CASK: variants seen among roughly 807,000 people sequenced by gnomAD.
The protein encoded by CASK is peripheral plasma membrane protein CASK.
Under a neutral mutation model 82.9 loss-of-function variants are expected in CASK, and 4 were observed. That is an observed-to-expected ratio of 0.05 (90% CI 0.02 to 0.11). The LOEUF is 0.11. CASK is among the 10% of genes least tolerant of loss of function. The pLI, the probability that CASK is intolerant of heterozygous loss-of-function variation, is 1.00. For synonymous variants in CASK, 259 were observed against 253.5 expected, an observed-to-expected ratio of 1.02 and a Z score of -0.20; for missense variants, 358 against 720.9, an observed-to-expected ratio of 0.50 and a Z score of 5.76.
intron 1 of CASK, among the ~76,000 whole-genome samples, chrX:41,891,855 A>T (rs1048170366): frequency 1.8e-5 from 2 of 112,351 alleles, no homozygotes; most frequent in Admixed American, 1.9e-4. Flanking sequence ...AATTTTTTTT[A>T]AAAAGTATGA....
intron 4 of CASK, 35 bp downstream of exon 4, chrX:41,745,489 A>C: frequency 1.1e-6 from 1 of 946,716 alleles, no homozygotes; most frequent in Non-Finnish European, 1.5e-6. Context: ...TTTATTTTCA[A>C]CTTGACCTCT....
intron 1 of CASK, among the ~76,000 whole-genome samples, chrX:41,878,356 T>C (rs2071873375): frequency 9.0e-6 from 1 of 111,239 alleles, no homozygotes; most frequent in South Asian, 3.8e-4. Flanking sequence ...ATAATAAGGG[T>C]GATGCCAGTC....
chrX:41,707,815 C>G (rs1009619245), intron 5 of CASK, among the ~76,000 whole-genome samples: 2 of 111,069 alleles, frequency 1.8e-5, no homozygotes, highest in African/African-American at 6.6e-5. Context: ...CAAGTACATG[C>G]TCCCCCTGAT....
At chrX:41,569,579 A>G in intron 16 of CASK, 89 bp downstream of exon 16, 1 of 694,889 alleles carries the variant, frequency 1.4e-6, no homozygotes, top group East Asian at 3.2e-5. Flanking sequence ...CCCCATCTCA[A>G]AAACAAAACA....
intron 24 of CASK, among the ~76,000 whole-genome samples, chrX:41,531,740 G>A (rs1219652093): frequency 8.9e-6 from 1 of 112,042 alleles, no homozygotes; most frequent in Non-Finnish European, 1.9e-5. Context: ...TACTGTCATT[G>A]TCACAGAAAG....
In CASK at chrX:41,923,044, C is replaced by A; in HGVS notation, c.-56G>T. 4 of 1,078,752 alleles carry A rather than the reference C, an allele frequency of 3.7e-6. No homozygotes were observed. The highest frequency in any genetic ancestry group is 5.2e-6 in the Non-Finnish European group (4 of 776,479). The allele number at this position is 1,078,752 out of a possible 1,213,427, so 88.9% of individuals were successfully genotyped here. On this transcript the variant is annotated 5_prime_UTR_variant, in exon 1 of 27. Coordinates refer to ENST00000378163, the MANE Select transcript of CASK (RefSeq NM_001367721.1). ...AGGGCTTCGAAAACGGGGGTGGGGG[C>A]GCCCAAGAGCTCAGTGCCCAGCCCC...
intron 5 of CASK, among the ~76,000 whole-genome samples, chrX:41,690,776 C>T (rs1035827480): frequency 2.8e-5 from 3 of 107,966 alleles, no homozygotes; most frequent in Non-Finnish European, 5.7e-5. Context: ...CAGGCTCAAG[C>T]GATCCTCCCA....
Position 41,775,581 on chromosome X carries a change from C to T in CASK, c.278+11597G>A, listed in dbSNP as rs186500123. On this transcript the variant is annotated intron_variant, in intron 3 of 26. Coordinates refer to ENST00000378163, the MANE Select transcript of CASK (RefSeq NM_001367721.1). ...AATCATGCTGCTATAAAGACACATGCACACGTATGTTTACTGCGGCACTAT... is the reference window on the plus strand; with the variant it reads ...AATCATGCTGCTATAAAGACACATGTACACGTATGTTTACTGCGGCACTAT... 1.3e-3 allele frequency among the ~76,000 whole-genome samples: 137 copies of T among 105,844 alleles called. 1 individual carries two copies. The highest frequency in any genetic ancestry group is 4.4e-3 in the African/African-American group (130 of 29,515). 91.9% of individuals were successfully genotyped at this position (105,844 alleles called of 115,157 possible).
intron 2 of CASK, among the ~76,000 whole-genome samples, chrX:41,831,716 T>C (rs1317130161): frequency 8.9e-6 from 1 of 112,224 alleles, no homozygotes; most frequent in African/African-American, 3.2e-5. Flanking sequence ...CCCAGCACTT[T>C]GGGAGGCCGA....
At chrX:41,883,141 G>T (rs1356011149) in intron 1 of CASK, among the ~76,000 whole-genome samples, 1 of 111,950 alleles carries the variant, frequency 8.9e-6, no homozygotes, top group Non-Finnish European at 1.9e-5. Flanking sequence ...ACAGTTTATG[G>T]AAATGTAGGA....
chrX:41,883,471 C>T (rs1039569430), intron 1 of CASK, among the ~76,000 whole-genome samples: 1 of 111,089 alleles, frequency 9.0e-6, no homozygotes, highest in East Asian at 2.8e-4. Flanking sequence ...AAGGGTGTTG[C>T]CTACCTCGAG....
At chrX:41,848,039 C>T (rs1408666381) in intron 2 of CASK, among the ~76,000 whole-genome samples, 1 of 112,364 alleles carries the variant, frequency 8.9e-6, no homozygotes, top group Non-Finnish European at 1.9e-5. Flanking sequence ...TTTTTCAAAG[C>T]CTCTATGGGC....
chrX:41,680,203 G>A (rs1014587924), intron 5 of CASK, among the ~76,000 whole-genome samples: 2 of 107,764 alleles, frequency 1.9e-5, no homozygotes, highest in African/African-American at 6.8e-5. Context: ...AAAAAAATTG[G>A]CTGGACGCAG....
At chrX:41,726,146 G>A (rs958268575) in intron 5 of CASK, among the ~76,000 whole-genome samples, 13 of 111,948 alleles carry the variant, frequency 1.2e-4, no homozygotes, top group African/African-American at 2.6e-4. Context: ...ACAGGGTCTC[G>A]CTATGTTGTC....
chrX:41,747,568 A>G (rs1446479159), intron 3 of CASK, among the ~76,000 whole-genome samples: 1 of 111,258 alleles, frequency 9.0e-6, no homozygotes, highest in Non-Finnish European at 1.9e-5. Flanking sequence ...CCTCCCAAGT[A>G]GCTGGCACTA....
chrX:41,711,080 G>A (rs2147629737), intron 5 of CASK, among the ~76,000 whole-genome samples: 1 of 111,982 alleles, frequency 8.9e-6, no homozygotes, highest in African/African-American at 3.3e-5. Flanking sequence ...GGGAGCCGTG[G>A]GATCCCTGAT....
chrX:41,657,552 C>T (rs1205319654), intron 8 of CASK, among the ~76,000 whole-genome samples: 7 of 110,509 alleles, frequency 6.3e-5, no homozygotes, highest in African/African-American at 2.3e-4. Flanking sequence ...GACAGAGTTT[C>T]GCTCTTGTAG....
At chrX:41,799,822 T>C (rs898863377) in intron 2 of CASK, among the ~76,000 whole-genome samples, 4 of 103,497 alleles carry the variant, frequency 3.9e-5, no homozygotes, top group Non-Finnish European at 7.8e-5. Flanking sequence ...AGCTCTGTTT[T>C]GCCAAAGAAC....
rs995946964 is a variant in CASK at position 41,923,329 on chromosome X, C to T, written c.-341G>A. 5.5e-5 allele frequency: 6 copies of T among 108,742 alleles called. No homozygotes were observed. Among genetic ancestry groups the T allele is most frequent in the African/African-American group, 2.0e-4 (6 of 30,298 alleles). The allele number at this position is 108,742 out of a possible 1,213,427, so 9.0% of individuals were successfully genotyped here. A position where few individuals can be genotyped will look rare whatever the true frequency, so the allele number is the denominator to read the frequency against. On this transcript the variant is annotated 5_prime_UTR_variant, in exon 1 of 27. Coordinates refer to ENST00000378163, the MANE Select transcript of CASK (RefSeq NM_001367721.1). ...GCGTCGCGCTCTCCGCTCGTCAGCC[C>T]GCGCGGGCCGCGAGGCCGCGACCGC... is the stretch of plus-strand genomic sequence containing the variant.
Sources: allele counts gnomAD v4.1 joint callset (sites outside exome capture counted in the v4.1 genomes callset), GRCh38; gene constraint gnomAD v4.1.1; transcripts MANE v1.5; gene names NCBI Gene and HGNC (gene_info 2026-07-23, HGNC 2026-07-21).